The following RASAL1 variants were observed in gnomAD, a reference collection of about 807,000 sequenced individuals.
RASAL1 encodes the protein RAS protein activator like 1.
RASAL1 carries 72 observed loss-of-function variants against 96.6 expected under a neutral mutation model. The ratio of observed to expected loss-of-function variants is 0.75; its 90% confidence interval spans 0.62 to 0.91. The LOEUF (loss-of-function observed/expected upper bound fraction) is 0.91. Ranked by LOEUF, RASAL1 falls within the 40% of genes least tolerant of loss-of-function variation. The pLI is 0.00. For missense variants in RASAL1, 1,016 were observed against 1,072.5 expected (o/e 0.95, Z 0.74); for synonymous variants, 405 against 430.4 (o/e 0.94, Z 0.73).
chr12:113,113,871 C>T (rs1950962246), intron 12 of RASAL1, among the ~76,000 whole-genome samples: 1 of 152,192 alleles, frequency 6.6e-6, no homozygotes. Flanking sequence ...ATTGAGCTCT[C>T]CACGATCTCC....
At position 113,131,950 on chromosome 12, in the gene RASAL1, TTTC is replaced by T. The variant is rs1369291485; in HGVS notation, c.66-1012_66-1010del. Among the ~76,000 whole-genome samples, 429 of 149,440 alleles carry T rather than the reference TTTC, an allele frequency of 2.9e-3. 5 individuals carry two copies. Among genetic ancestry groups the T allele is most frequent in the Non-Finnish European group, 4.1e-3 (274 of 67,172 alleles). Reference sequence around the variant, plus strand: ...ATGACCTCCACCTAAAATCATCTTCTTTCTTCTTCTTCTTCTTCTTTTTTTTTT... The same window carrying T: ...ATGACCTCCACCTAAAATCATCTTCTTTCTTCTTCTTCTTCTTTTTTTTTT... On this transcript the variant is annotated intron_variant, in intron 1 of 20. Coordinates refer to ENST00000548055, the MANE Select transcript of RASAL1 (RefSeq NM_001301202.2).
intron 18 of RASAL1, chr12:113,103,210 T>C (rs1347376160): frequency 3.4e-5 from 5 of 148,660 alleles, no homozygotes; most frequent in African/African-American, 1.2e-4. Context: ...ATATATATTA[T>C]ATATTATTTT....
chr12:113,112,382 C>A (rs75703273), intron 12 of RASAL1, 104 bp from the exon 13 acceptor site: 14,507 of 886,018 alleles, frequency 0.016, 190 homozygotes, highest in Middle Eastern at 0.023. Context: ...CTTCCCTCCA[C>A]GTCCGCAGCC....
chr12:113,114,036 T>C (rs1950968444), intron 12 of RASAL1, among the ~76,000 whole-genome samples: 1 of 152,230 alleles, frequency 6.6e-6, no homozygotes, highest in Non-Finnish European at 1.5e-5. Context: ...AGCACATGCA[T>C]GACTCAGTTA....
rs1171630750 is a variant in RASAL1 at position 113,117,092 on chromosome 12, T to C, written c.712A>G (p.Arg238Gly). 1 of 1,607,824 alleles carries C rather than the reference T, an allele frequency of 6.2e-7. No homozygotes were observed. The highest frequency in any genetic ancestry group is 1.7e-5 in the Admixed American group (1 of 59,726). ...KGWFRLLPFP[R>G]AEEDSGGNLG... ...ATTTACCCAGAATCCTCCTCGGCTCTGGGAAAGGGCAGGAGGCGGAACCAG... is the reference window on the plus strand; with the variant it reads ...ATTTACCCAGAATCCTCCTCGGCTCCGGGAAAGGGCAGGAGGCGGAACCAG... The change falls in exon 8 of 21, where the codon AGA becomes GGA. Residue 238 changes from arginine (R) to glycine (G), a missense_variant. Transcript: ENST00000548055.
rs529788468 is a variant in RASAL1, at chr12:113,118,998, A to C, written c.642+130T>G. 2.0e-5 allele frequency: 24 copies of C among 1,206,430 alleles called. No individual in the cohort carries two copies. In the African/African-American group the frequency reaches 3.6e-4, roughly 18 times the overall value. 74.7% of individuals were successfully genotyped at this position (1,206,430 alleles called of 1,614,324 possible). A position where few individuals can be genotyped will look rare whatever the true frequency, so the allele number is the denominator to read the frequency against. ...AATGAAACTGCAACACTCAGGCCTA[A>C]CCAGGGGAACCTGATGAGGCAGCTG... is the stretch of plus-strand genomic sequence containing the variant. On this transcript the variant is annotated intron_variant, in intron 7 of 20. Coordinates refer to ENST00000548055, the MANE Select transcript of RASAL1 (RefSeq NM_001301202.2).
At chr12:113,107,309 C>G (rs964945362) in intron 14 of RASAL1, 68 bp from the exon 15 acceptor site, 1 of 1,465,980 alleles carries the variant, frequency 6.8e-7, no homozygotes, top group Non-Finnish European at 9.1e-7. Context: ...TCCTGGCTCC[C>G]AAATCAGTGC....
chr12:113,105,410 T>A (rs1024294471), intron 16 of RASAL1, among the ~76,000 whole-genome samples: 4 of 152,270 alleles, frequency 2.6e-5, no homozygotes, highest in African/African-American at 9.6e-5. Flanking sequence ...TAGATCCTGG[T>A]GGGAGCATTG....
intron 4 of RASAL1, among the ~76,000 whole-genome samples, chr12:113,123,383 G>T (rs1951364601): frequency 6.6e-6 from 1 of 152,148 alleles, no homozygotes; most frequent in Non-Finnish European, 1.5e-5. Flanking sequence ...CCCTAGAGAG[G>T]AGCAGGAGTT....
rs191761983 is a variant in RASAL1 at position 113,112,939 on chromosome 12, G to A, written c.1182-661C>T. ...TGCACTGCAGCCTGGGTGACACAGCGAGACTCCATCTCAAAAAATAAATAA... is the reference window on the plus strand; with the variant it reads ...TGCACTGCAGCCTGGGTGACACAGCAAGACTCCATCTCAAAAAATAAATAA... On this transcript the variant is annotated intron_variant, in intron 12 of 20. Transcript: ENST00000548055. Among the ~76,000 whole-genome samples the A allele has an allele frequency of 8.3e-4, 114 of 137,530 alleles. 2 individuals carry two copies. In the East Asian group the frequency reaches 0.022, roughly 27 times the overall value. The allele number at this position is 137,530 out of a possible 152,430, so 90.2% of individuals were successfully genotyped here.
rs1346844261 is a variant in RASAL1 at position 113,130,155 on chromosome 12, C to T, written c.122+730G>A. On this transcript the variant is annotated intron_variant, in intron 2 of 20. Transcript: ENST00000548055. This position sits in a 1 kb window ranked among gnomAD's most constrained non-coding sequence, Gnocchi z 5.1. ...TCAGCCACCCACCAGCCCACCCACCCCCATCAGGCCTCCAGGGGCTGAGAG... is the reference window on the plus strand; with the variant it reads ...TCAGCCACCCACCAGCCCACCCACCTCCATCAGGCCTCCAGGGGCTGAGAG... Among the ~76,000 whole-genome samples, 1 of 152,162 alleles carries T rather than the reference C, an allele frequency of 6.6e-6. No individual in the cohort carries two copies. The highest frequency in any genetic ancestry group is 1.5e-5 in the Non-Finnish European group (1 of 68,010).
At chr12:113,119,059 C>G (rs1057354774) in intron 7 of RASAL1, 69 bp downstream of exon 7, 2 of 1,502,492 alleles carry the variant, frequency 1.3e-6, no homozygotes, top group Non-Finnish European at 1.8e-6. Flanking sequence ...AGGCTCAGCC[C>G]GTCTCATCTT....
chr12:113,104,168 T>G lies in RASAL1; in HGVS notation c.1961A>C (p.Gln654Pro). The G allele has an allele frequency of 6.2e-7, 1 of 1,608,036 alleles. No homozygotes were observed. Among genetic ancestry groups the G allele is most frequent in the Non-Finnish European group, 8.5e-7 (1 of 1,175,800 alleles). ...ATCGCGGTGGGGTCTCACCTTGCAC[T>G]GGAGGTAGGTGGTGTGCAGCGCCCC... ...GTGALHTTYL[Q>P]CKNVNELNQW... Residue 654 changes from glutamine to proline, a missense_variant, in exon 17 of 21, where the codon CAG (glutamine) becomes CCG (proline). Coordinates refer to ENST00000548055, the MANE Select transcript of RASAL1 (RefSeq NM_001301202.2).
chr12:113,136,464 C>T (rs78847209), upstream of RASAL1, among the ~76,000 whole-genome samples: 698 of 152,332 alleles, frequency 4.6e-3, 5 homozygotes, highest in Non-Finnish European at 6.7e-3. Context: ...ACTGTTACCC[C>T]ATTATCCGCA....
intron 1 of RASAL1, among the ~76,000 whole-genome samples, chr12:113,132,860 T>C (rs547839969): frequency 1.3e-5 from 2 of 152,314 alleles, no homozygotes; most frequent in African/African-American, 2.4e-5. Context: ...TGAATCCCCT[T>C]CTGTGGAGTG....
chr12:113,100,618 G>A lies in RASAL1; in HGVS notation c.2278+10C>T, dbSNP rs764556453. 14 of 1,605,764 alleles carry A rather than the reference G, an allele frequency of 8.7e-6. No individual in the cohort carries two copies. Among genetic ancestry groups the A allele is most frequent in the Non-Finnish European group, 1.1e-5 (13 of 1,173,148 alleles). The stretch of plus-strand genomic sequence containing the variant: ...CCAGCCTTTACCTTCTGAGGTACAG[G>A]AGCCCTTACCTGTGTCTGCCTCCAG... On this transcript the variant is annotated intron_variant, in intron 20 of 20. Coordinates refer to ENST00000548055, the MANE Select transcript of RASAL1 (RefSeq NM_001301202.2).
Position 113,102,032 on chromosome 12 carries a change from AT to A in RASAL1, c.2105-24del, listed in dbSNP as rs1196385146. ...CGGCTGAGGGAACACAGCTTCATTC[AT>A]CAGTAACTCCCTCTCCCCTTCCAGA... is the stretch of plus-strand genomic sequence containing the variant. On this transcript the variant is annotated intron_variant, in intron 18 of 20. Coordinates refer to ENST00000548055, the MANE Select transcript of RASAL1 (RefSeq NM_001301202.2). 2.5e-6 allele frequency: 4 copies of A among 1,607,782 alleles called. No homozygotes were observed. In the African/African-American group the frequency reaches 4.0e-5, roughly 16 times the overall value.
chr12:113,132,137 A>G (rs550308804), intron 1 of RASAL1, among the ~76,000 whole-genome samples: 1 of 151,694 alleles, frequency 6.6e-6, no homozygotes, highest in South Asian at 2.1e-4. Context: ...ACACCTGGCT[A>G]ATTTTTTGCA....
Position 113,104,001 on chromosome 12 carries a change from G to T in RASAL1, c.2049C>A (p.His683Gln), listed in dbSNP as rs756441150. 15 of 1,572,984 alleles carry T rather than the reference G, an allele frequency of 9.5e-6. No homozygotes were observed. In the South Asian group the frequency reaches 1.7e-4, roughly 18 times the overall value. ...AGCGCGCGCTGCGGAAGGCACCGGG[G>T]TGGCAGGCGGCCAGCTTGTTCGGGT... Reference protein sequence around the residue: ...APNPNKLAACHPGAFRSARWT... With the variant: ...APNPNKLAACQPGAFRSARWT... The change falls in exon 18 of 21, where the codon CAC (histidine) becomes CAA (glutamine). Residue 683 changes from histidine (H) to glutamine (Q), a missense_variant. His to Gln is a conservative substitution (Grantham distance 24, BLOSUM62 0). Coordinates refer to ENST00000548055, the MANE Select transcript of RASAL1 (RefSeq NM_001301202.2).
Sources: allele counts gnomAD v4.1 joint callset (sites outside exome capture counted in the v4.1 genomes callset), GRCh38; gene constraint gnomAD v4.1.1; non-coding constraint Gnocchi (gnomAD v3.1); transcripts MANE v1.5; gene names NCBI Gene and HGNC (gene_info 2026-07-23, HGNC 2026-07-21).